HNRNPUL2: variants seen among roughly 807,000 people sequenced by gnomAD.
HNRNPUL2 encodes the protein heterogeneous nuclear ribonucleoprotein U-like protein 2.
Under a neutral mutation model 102.2 loss-of-function variants are expected in HNRNPUL2, and 27 were observed. The ratio of observed to expected loss-of-function variants is 0.26; its 90% CI spans 0.19 to 0.36. The LOEUF (loss-of-function observed/expected upper bound fraction) is 0.36. HNRNPUL2 is among the 10% of genes least tolerant of loss of function. HNRNPUL2 has a pLI of 1.00. For missense variants in HNRNPUL2, 936 were observed against 981.1 expected, an observed-to-expected ratio of 0.95 and a Z score of 0.61; for synonymous variants, 458 against 387.2, an observed-to-expected ratio of 1.18 and a Z score of -2.15.
chr11:62,722,202 G>C lies in HNRNPUL2; in HGVS notation c.1274C>G (p.Pro425Arg), dbSNP rs371263471. The C allele has an allele frequency of 1.9e-6, 3 of 1,614,130 alleles. No homozygotes were observed. In the South Asian group the frequency reaches 3.3e-5, roughly 18 times the overall value. Residue 425 changes from proline (P) to arginine (R), a missense_variant, in exon 7 of 14, where the codon CCA becomes CGA. Transcript: ENST00000301785. The stretch of plus-strand genomic sequence containing the variant: ...AGCATGAATGAACACAAACTCTTCT[G>C]GTGGTGGGAAGAAGGGCTCCTCCTT... ...GQKEEPFFPP[P>R]EEFVFIHAVP...
At chr11:62,717,330 C>T (rs565729349) in intron 10 of HNRNPUL2, 141 bp from the exon 11 acceptor site, 5 of 635,592 alleles carry the variant, frequency 7.9e-6, no homozygotes, top group East Asian at 5.6e-5. Flanking sequence ...TATACCCACT[C>T]GCATCTAAAT....
chr11:62,715,711 A>T, intron 12 of HNRNPUL2, 104 bp from the exon 13 acceptor site: 3 of 1,132,760 alleles, frequency 2.6e-6, no homozygotes, highest in Non-Finnish European at 4.0e-6. Context: ...GATATTATAA[A>T]TTGGTTTAAT....
intron 1 of HNRNPUL2, 69 bp from the exon 2 acceptor site, chr11:62,724,495 GAC>G: frequency 6.5e-7 from 1 of 1,536,770 alleles, no homozygotes; most frequent in East Asian, 2.3e-5. Context: ...ACAACTAATA[GAC>G]ACTAACAGGG....
rs375115329 is a variant in HNRNPUL2 at position 62,726,749 on chromosome 11, G to A, written c.408C>T (p.Ala136=). The change falls in exon 1 of 14, where the codon GCC becomes GCT. Residue 136 remains alanine (A), a synonymous_variant. Transcript: ENST00000301785. ...DASEKPAEAT[A]GSGGVNGGEE... The stretch of plus-strand genomic sequence containing the variant: ...CGCCACCATTTACCCCGCCTGACCC[G>A]GCCGTGGCCTCCGCCGGCTTCTCGG... The A allele has an allele frequency of 2.0e-4, 321 of 1,600,924 alleles. No homozygotes were observed. Among genetic ancestry groups the A allele is most frequent in the Non-Finnish European group, 2.4e-4 (287 of 1,179,640 alleles).
chr11:62,717,376 A>G (rs1218682850), intron 10 of HNRNPUL2, among the ~76,000 whole-genome samples, 187 bp from the exon 11 acceptor site: 1 of 152,186 alleles, frequency 6.6e-6, no homozygotes, highest in East Asian at 1.9e-4. Flanking sequence ...AGTTTTCCCT[A>G]AATTGTAACA....
At chr11:62,722,091 C>A (rs2083707191) in intron 7 of HNRNPUL2, 26 bp downstream of exon 7, 1 of 1,608,872 alleles carries the variant, frequency 6.2e-7, no homozygotes, top group Non-Finnish European at 8.5e-7. Context: ...CATACAACCT[C>A]AGTGTTCGTA....
At chr11:62,722,052 G>A in intron 7 of HNRNPUL2, 65 bp downstream of exon 7, 1 of 1,600,118 alleles carries the variant, frequency 6.2e-7, no homozygotes, top group Non-Finnish European at 8.5e-7. Context: ...CTGAGACCCT[G>A]GAGAGCATAC....
intron 1 of HNRNPUL2, among the ~76,000 whole-genome samples, chr11:62,726,286 T>C (rs546833483): frequency 1.3e-5 from 2 of 152,266 alleles, no homozygotes; most frequent in South Asian, 2.1e-4. Context: ...TAATCCCCAA[T>C]TGCTTAGCAC....
intron 10 of HNRNPUL2, among the ~76,000 whole-genome samples, chr11:62,718,348 C>A (rs1217960121): frequency 1.3e-5 from 2 of 152,086 alleles, no homozygotes; most frequent in East Asian, 3.9e-4. Context: ...TACCAGAAAT[C>A]AAGTTATACC....
chr11:62,724,163 C>T, intron 2 of HNRNPUL2, 128 bp downstream of exon 2: 1 of 1,315,634 alleles, frequency 7.6e-7, no homozygotes, highest in Admixed American at 2.0e-5. Flanking sequence ...TAGATGCAAT[C>T]TAAAACTCAT....
In HNRNPUL2 at chr11:62,715,549, TCTC is replaced by T; in HGVS notation, c.2111_2113del (p.Arg704_Asp705delinsHis). ...GTCTCTGTATCTGTTGTACTCATAA[TCTC>T]GCCCGTAAAATCGATCATAGTCTCC... On this transcript the variant is annotated inframe_deletion, in exon 13 of 14. Coordinates refer to ENST00000301785, the MANE Select transcript of HNRNPUL2 (RefSeq NM_001079559.3). 2 of 1,613,364 alleles carry T rather than the reference TCTC, an allele frequency of 1.2e-6. No homozygotes were observed. The highest frequency in any genetic ancestry group is 1.7e-6 in the Non-Finnish European group (2 of 1,179,506).
rs1490155366 is a variant in HNRNPUL2 at position 62,717,035 on chromosome 11, G to T, written c.1935C>A (p.Asn645Lys). 1.2e-6 allele frequency: 2 copies of T among 1,613,722 alleles called. No individual in the cohort carries two copies. The highest frequency in any genetic ancestry group is 1.7e-6 in the Non-Finnish European group (2 of 1,180,010). ...GGTTCTGCCGGTTACGCTTGTTTCG[G>T]TTGTTTCGGCGATTTGTCCGCTTCT... ...PSEKRTNRRN[N>K]RNKRNRQNRS... The change falls in exon 11 of 14, where the codon AAC (asparagine) becomes AAA (lysine). Residue 645 changes from asparagine (N) to lysine (K), a missense_variant. Coordinates refer to ENST00000301785, the MANE Select transcript of HNRNPUL2 (RefSeq NM_001079559.3).
At chr11:62,724,166 A>T in intron 2 of HNRNPUL2, 125 bp downstream of exon 2, 1 of 1,330,274 alleles carries the variant, frequency 7.5e-7, no homozygotes, top group South Asian at 1.3e-5. Flanking sequence ...ATGCAATCTA[A>T]AACTCATGCC....
rs371980396 is a variant in HNRNPUL2 at position 62,726,708 on chromosome 11, C to T, written c.449G>A (p.Gly150Asp). The change falls in exon 1 of 14, where the codon GGC (glycine) becomes GAC (aspartate). Residue 150 changes from glycine (G) to aspartate (D), a missense_variant. By Grantham distance (94) the Gly-to-Asp change is moderately conservative. Transcript: ENST00000301785. The stretch of plus-strand genomic sequence containing the variant: ...CTCGGGTTCGTCTTCCTCCCTCTTG[C>T]CGAGGCCCTGCTCTTCGCCACCATT... ...GVNGGEEQGL[G>D]KREEDEPEER... 6 of 1,600,522 alleles carry T rather than the reference C, an allele frequency of 3.7e-6. No homozygotes were observed. Among genetic ancestry groups the T allele is most frequent in the East Asian group, 2.2e-5 (1 of 44,862 alleles).
At chr11:62,724,557 C>T in intron 1 of HNRNPUL2, 131 bp from the exon 2 acceptor site, 1 of 952,144 alleles carries the variant, frequency 1.1e-6, no homozygotes, top group Non-Finnish European at 1.6e-6. Flanking sequence ...CCACTACATT[C>T]ACATAACATT....
At chr11:62,716,965 G>A (rs892022028) in intron 11 of HNRNPUL2, 24 bp downstream of exon 11, 1 of 1,611,072 alleles carries the variant, frequency 6.2e-7, no homozygotes, top group Non-Finnish European at 8.5e-7. Context: ...TGAAGTAGGG[G>A]GCTGGCAGGT....
chr11:62,720,935 C>G lies in HNRNPUL2; in HGVS notation c.1611+360G>C, dbSNP rs7104017. 3.8e-3 allele frequency among the ~76,000 whole-genome samples: 571 copies of G among 148,990 alleles called. 2 individuals carry two copies. The highest frequency in any genetic ancestry group is 0.013 in the African/African-American group (533 of 40,412). The stretch of plus-strand genomic sequence containing the variant: ...AGACACGAGATAAAGGGTCAATACA[C>G]ATGATCTTCTTTAACTTTTCAAACT... On this transcript the variant is annotated intron_variant, in intron 9 of 13. Coordinates refer to ENST00000301785, the MANE Select transcript of HNRNPUL2 (RefSeq NM_001079559.3).
At chr11:62,725,108 G>T (rs565953722) in intron 1 of HNRNPUL2, among the ~76,000 whole-genome samples, 5 of 152,308 alleles carry the variant, frequency 3.3e-5, no homozygotes, top group African/African-American at 1.2e-4. Flanking sequence ...TCTGCAAGAG[G>T]AAAAAACTTG....
intron 4 of HNRNPUL2, among the ~76,000 whole-genome samples, chr11:62,723,263 G>A (rs529700540): frequency 7.0e-4 from 106 of 152,266 alleles, no homozygotes; most frequent in Middle Eastern, 3.4e-3. Context: ...AGGCCAAGAC[G>A]GGCGGATCAC....
Sources: allele counts gnomAD v4.1 joint callset (sites outside exome capture counted in the v4.1 genomes callset), GRCh38; gene constraint gnomAD v4.1.1; transcripts MANE v1.5; gene names NCBI Gene and HGNC (gene_info 2026-07-23, HGNC 2026-07-21).